DMD: variants seen among roughly 807,000 people sequenced by gnomAD.
DMD encodes dystrophin, also known as mutant dystrophin.
In DMD, 63 loss-of-function variants were observed where a neutral mutation model predicts 330.1. That is an observed-to-expected ratio of 0.19 (90% CI 0.16 to 0.24). DMD has a LOEUF of 0.24. Ranked by LOEUF, DMD falls within the 10% of genes least tolerant of loss-of-function variation. The pLI is 1.00. For missense variants in DMD, 3,344 were observed against 2,684.1 expected, an observed-to-expected ratio of 1.25 and a Z score of -5.43; for synonymous variants, 1,223 against 959.8, an observed-to-expected ratio of 1.27 and a Z score of -5.07.
intron 1 of DMD, among the ~76,000 whole-genome samples, chrX:33,243,209 A>G (rs534259533): frequency 1.8e-5 from 2 of 111,817 alleles, no homozygotes; most frequent in African/African-American, 6.5e-5. Context: ...TTCCAATGTT[A>G]TCTTCTAGAA....
intron 7 of DMD, among the ~76,000 whole-genome samples, chrX:32,752,053 C>T (rs2070890117): frequency 8.9e-6 from 1 of 112,564 alleles, no homozygotes; most frequent in African/African-American, 3.2e-5. Flanking sequence ...CATGGAGAAC[C>T]TCTGCTAGGG....
At chrX:33,138,663 C>T (rs1356719693) in intron 1 of DMD, among the ~76,000 whole-genome samples, 1 of 110,606 alleles carries the variant, frequency 9.0e-6, no homozygotes, top group African/African-American at 3.3e-5. Context: ...TTTCTTTTTG[C>T]CTTGGAGTAG....
chrX:31,692,371 A>T (rs1352879364), intron 52 of DMD, among the ~76,000 whole-genome samples: 2 of 111,548 alleles, frequency 1.8e-5, no homozygotes, highest in African/African-American at 6.5e-5. Flanking sequence ...CAAAAAGAAG[A>T]ATGAATTAAG....
At chrX:31,872,985 A>G (rs749364636) in intron 48 of DMD, among the ~76,000 whole-genome samples, 53 of 111,090 alleles carry the variant, frequency 4.8e-4, no homozygotes, top group Non-Finnish European at 7.9e-4. Context: ...GTACGCACCC[A>G]GTCTTGCCCC....
intron 9 of DMD, among the ~76,000 whole-genome samples, chrX:32,653,675 T>C (rs1246757005): frequency 8.9e-6 from 1 of 111,923 alleles, no homozygotes; most frequent in African/African-American, 3.3e-5. Context: ...TTTAAAGTAG[T>C]TTTTTCCAAT....
chrX:32,575,767 G>T (rs2052974346), intron 13 of DMD, among the ~76,000 whole-genome samples: 1 of 111,845 alleles, frequency 8.9e-6, no homozygotes, highest in Non-Finnish European at 1.9e-5. Context: ...TGATGATGCA[G>T]ATCTACAAAG....
At chrX:31,210,403 G>A (rs1003544644) in intron 64 of DMD, among the ~76,000 whole-genome samples, 2 of 111,997 alleles carry the variant, frequency 1.8e-5, no homozygotes, top group African/African-American at 6.5e-5. Context: ...AAGGCTGAGG[G>A]AGGAAAATTC....
At chrX:32,439,540 A>AAT (rs2098273656) in intron 28 of DMD, among the ~76,000 whole-genome samples, 2 of 111,724 alleles carry the variant, frequency 1.8e-5, no homozygotes, top group Non-Finnish European at 3.8e-5. Flanking sequence ...TATAAGTCTT[A>AAT]ACAAAGTATA....
chrX:31,816,199 G>A (rs2092621753), intron 50 of DMD, among the ~76,000 whole-genome samples: 1 of 111,755 alleles, frequency 8.9e-6, no homozygotes, highest in African/African-American at 3.3e-5. Context: ...AGGTGTCTAA[G>A]CAACAACAAT....
intron 59 of DMD, among the ~76,000 whole-genome samples, chrX:31,470,902 G>A (rs911611501): frequency 4.5e-5 from 5 of 112,111 alleles, no homozygotes; most frequent in Non-Finnish European, 3.8e-5. Context: ...GCCGAGCTGC[G>A]GTGAGCTCCG....
At chrX:33,183,730 T>C (rs1474741777) in intron 1 of DMD, among the ~76,000 whole-genome samples, 1 of 111,250 alleles carries the variant, frequency 9.0e-6, no homozygotes, top group Non-Finnish European at 1.9e-5. Context: ...CCTCTCCTGT[T>C]ACAACTTTCA....
intron 34 of DMD, among the ~76,000 whole-genome samples, chrX:32,366,146 GAT>G (rs2097853723): frequency 8.9e-6 from 1 of 112,233 alleles, no homozygotes; most frequent in African/African-American, 3.2e-5. Context: ...CATGAAAAAA[GAT>G]AGAGAGTAGT....
At chrX:31,333,404 C>T (rs1262973019) in intron 61 of DMD, among the ~76,000 whole-genome samples, 5 of 91,316 alleles carry the variant, frequency 5.5e-5, no homozygotes, top group African/African-American at 1.7e-4. Context: ...TTGCTGCCCC[C>T]GCCTTTTTTT....
At chrX:31,283,501 T>A (rs1171249392) in intron 62 of DMD, among the ~76,000 whole-genome samples, 1 of 111,817 alleles carries the variant, frequency 8.9e-6, no homozygotes, top group Non-Finnish European at 1.9e-5. Context: ...GCAAGTGCTA[T>A]CAATTCATGA....
At chrX:32,164,980 G>A (rs1485762142) in intron 44 of DMD, among the ~76,000 whole-genome samples, 1 of 112,484 alleles carries the variant, frequency 8.9e-6, no homozygotes, top group Admixed American at 9.4e-5. Flanking sequence ...AAGAATTGAA[G>A]TTTGGGAACC....
intron 1 of DMD, among the ~76,000 whole-genome samples, chrX:33,202,090 T>C (rs902077063): frequency 5.3e-5 from 6 of 112,221 alleles, no homozygotes; most frequent in African/African-American, 1.9e-4. Context: ...GAAAATATAA[T>C]ATGCCAATGT....
At chrX:32,580,012 T>C (rs2053484334) in intron 13 of DMD, among the ~76,000 whole-genome samples, 1 of 29,367 alleles carries the variant, frequency 3.4e-5, no homozygotes, top group South Asian at 1.6e-3. Flanking sequence ...ATTTAATGTC[T>C]TTTTTTTTTT....
intron 2 of DMD, among the ~76,000 whole-genome samples, chrX:32,953,316 C>A (rs941116053): frequency 9.1e-6 from 1 of 110,488 alleles, no homozygotes; most frequent in African/African-American, 3.3e-5. Flanking sequence ...TGGGTAAGAG[C>A]AAAACTATCA....
chrX:32,292,299 A>ATTTTTTTTTTTTTTTTTTTTTTTTTT (rs1355530949), intron 42 of DMD, among the ~76,000 whole-genome samples: 1 of 30,857 alleles, frequency 3.2e-5, no homozygotes, highest in African/African-American at 1.9e-4. Flanking sequence ...CAAAGGGAAT[A>ATTTTTTTTTTTTTTTTTTTTTTTTTT]TTCTTTTTTT....
Sources: allele counts gnomAD v4.1 joint callset (sites outside exome capture counted in the v4.1 genomes callset), GRCh38; gene constraint gnomAD v4.1.1; transcripts MANE v1.5; gene names NCBI Gene and HGNC (gene_info 2026-07-23, HGNC 2026-07-21).